The following FAR2 variants were observed in gnomAD, a reference collection of about 807,000 sequenced individuals.
FAR2 encodes the protein fatty acyl-CoA reductase 2.
A neutral mutation model predicts 56.0 loss-of-function variants in FAR2; 19 were observed. That is an observed-to-expected ratio of 0.34 (90% CI 0.24 to 0.50). The LOEUF (loss-of-function observed/expected upper bound fraction) is 0.50, where lower values mean the gene tolerates loss of function less well. Among genes scored for constraint, FAR2 ranks in the 20% least tolerant of loss-of-function variants. The pLI, the probability that FAR2 is intolerant of heterozygous loss-of-function variation, is 0.98. For missense variants in FAR2, 508 were observed against 642.2 expected (o/e 0.79, Z 2.26); for synonymous variants, 219 against 218.8 (o/e 1.00, Z -0.01).
In FAR2 at chr12:29,308,707, C is replaced by CATATATATATATATATATATATATAT. The variant is rs1253144255; in HGVS notation, c.724-478_724-477insTATATATATATATATATATATATATA. ...ACACACAGACACACACACACACACACACACACACACACATATATATATATA... is the reference window on the plus strand; with the variant it reads ...ACACACAGACACACACACACACACACATATATATATATATATATATATATATACACACACACACATATATATATATA... On this transcript the variant is annotated intron_variant, in intron 5 of 11. Transcript: ENST00000536681. Among the ~76,000 whole-genome samples the CATATATATATATATATATATATATAT allele has an allele frequency of 1.0e-4, 14 of 136,972 alleles. 1 individual carries two copies. Among genetic ancestry groups the CATATATATATATATATATATATATAT allele is most frequent in the African/African-American group, 3.3e-4 (10 of 30,762 alleles). The allele number at this position is 136,972 out of a possible 152,430, so 89.9% of individuals were successfully genotyped here. A position where few individuals can be genotyped will look rare whatever the true frequency, so the allele number is the denominator to read the frequency against.
intron 11 of FAR2, chr12:29,333,320 G>C: frequency 3.5e-6 from 1 of 284,334 alleles, no homozygotes; most frequent in African/African-American, 2.2e-5. Context: ...TAATGAACAA[G>C]AACCAGTGAA....
chr12:29,184,422 C>CT (rs71042961), intron 1 of FAR2, among the ~76,000 whole-genome samples: 855 of 59,740 alleles, frequency 0.014, 134 homozygotes, highest in Non-Finnish European at 0.02. Flanking sequence ...AATCTAGCAT[C>CT]TTTTTTTTTT....
At chr12:29,235,215 G>A (rs1172547925) in intron 1 of FAR2, among the ~76,000 whole-genome samples, 3 of 152,146 alleles carry the variant, frequency 2.0e-5, no homozygotes, top group African/African-American at 7.2e-5. Context: ...ATTCTATAGT[G>A]TTTAGCAGTG....
intron 1 of FAR2, among the ~76,000 whole-genome samples, chr12:29,239,575 C>G (rs988794221): frequency 6.6e-6 from 1 of 151,858 alleles, no homozygotes; most frequent in Non-Finnish European, 1.5e-5. Context: ...CAAAAGACTA[C>G]CCACGTGGGA....
intron 10 of FAR2, among the ~76,000 whole-genome samples, chr12:29,324,676 A>T (rs1195794864): frequency 6.6e-6 from 1 of 152,132 alleles, no homozygotes; most frequent in Non-Finnish European, 1.5e-5. Context: ...GAGAAATAAA[A>T]TACTTTACAG....
chr12:29,301,238 G>A (rs1244545106), intron 4 of FAR2, among the ~76,000 whole-genome samples: 2 of 152,146 alleles, frequency 1.3e-5, no homozygotes, highest in Admixed American at 6.5e-5. Context: ...TGACAAGCCT[G>A]GCCGTTAATC....
intron 1 of FAR2, among the ~76,000 whole-genome samples, chr12:29,266,020 G>A (rs1026007456): frequency 2.0e-5 from 3 of 152,116 alleles, no homozygotes; most frequent in African/African-American, 7.2e-5. Flanking sequence ...AATAACAAAT[G>A]CTGATGAGGA....
At position 29,307,797 on chromosome 12, in the gene FAR2, CCCT is replaced by C; in HGVS notation, c.688_690del (p.Ser230del). 2 of 1,612,238 alleles carry C rather than the reference CCCT, an allele frequency of 1.2e-6. No individual in the cohort carries two copies. Among genetic ancestry groups the C allele is most frequent in the Non-Finnish European group, 1.7e-6 (2 of 1,179,746 alleles). ...GAACCTGAACATTGCCATCATAAGG[CCCT>C]CCATTGTGGGAGCAACTTGGCAGGA... On this transcript the variant is annotated inframe_deletion, in exon 5 of 12. Transcript: ENST00000536681.
intron 1 of FAR2, among the ~76,000 whole-genome samples, chr12:29,167,429 T>C (rs1949840142): frequency 6.6e-6 from 1 of 152,210 alleles, no homozygotes; most frequent in African/African-American, 2.4e-5. Flanking sequence ...TGACCTACGT[T>C]TTTCTACAAA....
At chr12:29,307,952 A>G (rs903717154) in intron 5 of FAR2, 117 bp downstream of exon 5, 2 of 1,133,142 alleles carry the variant, frequency 1.8e-6, no homozygotes, top group African/African-American at 3.1e-5. Context: ...AGTGCAGCCA[A>G]TCGAATATGA....
chr12:29,282,622 A>G (rs1250431369), intron 2 of FAR2, among the ~76,000 whole-genome samples: 1 of 152,216 alleles, frequency 6.6e-6, no homozygotes, highest in Non-Finnish European at 1.5e-5. Context: ...TTTAAAACAT[A>G]GTAACCAAAA....
rs574956795 is a variant in FAR2, at chr12:29,281,967, C to G, written c.189+11329C>G. ...TTGCCAAATCTAAAACTCTTTCACCCTCACTGAGTCTTAAATTAGGAATGC... is the reference window on the plus strand; with the variant it reads ...TTGCCAAATCTAAAACTCTTTCACCGTCACTGAGTCTTAAATTAGGAATGC... On this transcript the variant is annotated intron_variant, in intron 2 of 11. Transcript: ENST00000536681. Among the ~76,000 whole-genome samples the G allele has an allele frequency of 2.6e-5, 4 of 152,264 alleles. No homozygotes were observed. The East Asian group carries it at 7.7e-4, about 29-fold the overall frequency.
At chr12:29,270,919 C>A (rs1591914365) in intron 2 of FAR2, among the ~76,000 whole-genome samples, 1 of 152,302 alleles carries the variant, frequency 6.6e-6, no homozygotes, top group East Asian at 1.9e-4. Flanking sequence ...GATGCTTCAG[C>A]CTTAATATCT....
intron 1 of FAR2, among the ~76,000 whole-genome samples, chr12:29,228,495 T>G (rs1947804023): frequency 6.6e-6 from 1 of 152,232 alleles, no homozygotes; most frequent in Non-Finnish European, 1.5e-5. Flanking sequence ...TTCATTCAAA[T>G]TTGCTTTCAT....
chr12:29,299,187 T>C (rs1591944747), intron 4 of FAR2, among the ~76,000 whole-genome samples: 1 of 126,482 alleles, frequency 7.9e-6, no homozygotes, highest in South Asian at 2.3e-4. Flanking sequence ...CACCCCAGCC[T>C]GGTCAACAAG....
At chr12:29,182,774 G>A (rs1344754014) in intron 1 of FAR2, among the ~76,000 whole-genome samples, 1 of 152,134 alleles carries the variant, frequency 6.6e-6, no homozygotes, top group African/African-American at 2.4e-5. Context: ...TGTAGATGGA[G>A]GGTTTTACTG....
At chr12:29,252,146 C>G (rs1368658607) in intron 1 of FAR2, among the ~76,000 whole-genome samples, 1 of 152,078 alleles carries the variant, frequency 6.6e-6, no homozygotes, top group African/African-American at 2.4e-5. Flanking sequence ...ACCATGACTA[C>G]TAGGGGAAAA....
rs1395189807 is a variant in FAR2 at position 29,334,227 on chromosome 12, A to T, written c.*433A>T. ...AAAAGAAAAATTTAAAATCAAGATG[A>T]GTAAAAGGAGAATGGTCTCAATATC... On this transcript the variant is annotated 3_prime_UTR_variant, in exon 12 of 12. Coordinates refer to ENST00000536681, the MANE Select transcript of FAR2 (RefSeq NM_001271783.2). 1 of 152,724 alleles carries T rather than the reference A, an allele frequency of 6.5e-6. No homozygotes were observed. The highest frequency in any genetic ancestry group is 1.5e-5 in the Non-Finnish European group (1 of 68,432). The allele number at this position is 152,724 out of a possible 1,614,324, so 9.5% of individuals were successfully genotyped here.
intron 1 of FAR2, among the ~76,000 whole-genome samples, chr12:29,254,453 G>A (rs1237287484): frequency 6.6e-6 from 1 of 152,164 alleles, no homozygotes; most frequent in Non-Finnish European, 1.5e-5. Context: ...TCATGCTTCA[G>A]TCTCTTGAGT....
Sources: gnomAD v4.1 joint callset for allele counts (sites outside exome capture counted in the v4.1 genomes callset) on GRCh38, gnomAD v4.1.1 for gene constraint, MANE v1.5 for transcripts, NCBI Gene and HGNC (gene_info 2026-07-23, HGNC 2026-07-21) for gene names.